The following RUNX3 variants were observed in gnomAD, a reference collection of about 807,000 sequenced individuals.
RUNX3 encodes runt-related transcription factor 3.
RUNX3 carries 10 observed loss-of-function variants against 27.7 expected under a neutral mutation model. The ratio of observed to expected loss-of-function variants is 0.36; its 90% CI spans 0.22 to 0.61. The LOEUF is 0.61. Ranked by LOEUF, RUNX3 falls within the 20% of genes least tolerant of loss-of-function variation. RUNX3 has a pLI of 0.72. For missense variants in RUNX3, 469 were observed against 629.5 expected (o/e 0.75, Z 2.73); for synonymous variants, 270 against 269.2 (o/e 1.00, Z -0.03).
In RUNX3 at chr1:24,901,038, T is replaced by TTG. The variant is rs1006365205; in HGVS notation, c.*1083_*1084insCA. On this transcript the variant is annotated 3_prime_UTR_variant, in exon 5 of 5. Coordinates refer to ENST00000308873, the MANE Select transcript of RUNX3 (RefSeq NM_004350.3). ...TTTTGTTTTTTTTTTGTTTTTTTGT[T>TTG]TTTTTTTTTTTTTTGCTCAGGACTA... 1 of 141,826 alleles carries TTG rather than the reference T, an allele frequency of 7.1e-6. No individual in the cohort carries two copies. Among genetic ancestry groups the TTG allele is most frequent in the African/African-American group, 2.9e-5 (1 of 34,560 alleles). The allele number at this position is 141,826 out of a possible 1,614,324, so 8.8% of individuals were successfully genotyped here.
intron 3 of RUNX3, among the ~76,000 whole-genome samples, chr1:24,917,635 C>A (rs1310928309): frequency 1.3e-5 from 2 of 152,300 alleles, no homozygotes; most frequent in Admixed American, 6.5e-5. Context: ...CCTTGCTAAC[C>A]CCCACCGCTA....
At chr1:24,957,268 G>A (rs1181656649) in intron 2 of RUNX3, among the ~76,000 whole-genome samples, 1 of 152,246 alleles carries the variant, frequency 6.6e-6, no homozygotes, top group Non-Finnish European at 1.5e-5. Context: ...AAGCCAGACA[G>A]TGAAGGGGGA....
intron 3 of RUNX3, among the ~76,000 whole-genome samples, chr1:24,915,678 A>C (rs1640875623): frequency 6.6e-6 from 1 of 152,076 alleles, no homozygotes; most frequent in South Asian, 2.1e-4. Flanking sequence ...TTCCAGATAG[A>C]AAAAAGAGCA....
chr1:24,933,255 C>T (rs1458986641), upstream of RUNX3, among the ~76,000 whole-genome samples: 3 of 152,206 alleles, frequency 2.0e-5, no homozygotes, highest in Admixed American at 1.3e-4. Context: ...TCACCCACAG[C>T]GCTCTAGGGA....
chr1:24,947,501 C>T (rs1641637906), intron 2 of RUNX3, among the ~76,000 whole-genome samples: 1 of 152,156 alleles, frequency 6.6e-6, no homozygotes, highest in Non-Finnish European at 1.5e-5. Context: ...TGGGCCAGCT[C>T]ACCACAAGCA....
At chr1:24,924,157 A>C (rs1428344599) in intron 2 of RUNX3, among the ~76,000 whole-genome samples, 1 of 152,204 alleles carries the variant, frequency 6.6e-6, no homozygotes, top group Non-Finnish European at 1.5e-5. Flanking sequence ...GCTTGAGTCC[A>C]GGAGTTCAAG....
upstream of RUNX3, among the ~76,000 whole-genome samples, chr1:24,932,289 C>A (rs952072698): frequency 1.3e-5 from 2 of 151,516 alleles, no homozygotes; most frequent in Middle Eastern, 6.8e-3. Context: ...AGGGCGCTGG[C>A]TCCCCGTGGG....
In RUNX3 at chr1:24,922,169, CTTTCT is replaced by C. The variant is rs1641012425; in HGVS notation, c.440-2830_440-2826del. ...TTCCCTCCCTTCCTTCCTTCCTTTC[CTTTCT>C]TTTCTTTCTTTCCTTTCTTTCTTTT... On this transcript the variant is annotated intron_variant, in intron 2 of 4. Transcript: ENST00000308873. Among the ~76,000 whole-genome samples the C allele has an allele frequency of 2.0e-5, 3 of 149,856 alleles. No individual in the cohort carries two copies. The South Asian group carries it at 6.4e-4, about 32-fold the overall frequency.
chr1:24,958,340 G>A (rs995179955), intron 2 of RUNX3, among the ~76,000 whole-genome samples: 7 of 152,228 alleles, frequency 4.6e-5, no homozygotes, highest in Non-Finnish European at 8.8e-5. Flanking sequence ...TGTGCAAGGC[G>A]GATGATTGGA....
chr1:24,961,625 A>G (rs559528813), intron 2 of RUNX3: 1 of 152,356 alleles, frequency 6.6e-6, no homozygotes, highest in South Asian at 2.1e-4. Flanking sequence ...GAGGCACATC[A>G]GAATCGCTTT....
chr1:24,952,949 G>T (rs763797456), intron 2 of RUNX3, among the ~76,000 whole-genome samples: 1 of 151,578 alleles, frequency 6.6e-6, no homozygotes, highest in Non-Finnish European at 1.5e-5. Flanking sequence ...AAAAAACTCA[G>T]GTATTTTTTT....
chr1:24,957,744 C>T (rs1015462753), intron 2 of RUNX3, among the ~76,000 whole-genome samples: 7 of 152,228 alleles, frequency 4.6e-5, no homozygotes, highest in Non-Finnish European at 1.0e-4. Context: ...CACACTACCT[C>T]ATTAAACCTA....
intron 3 of RUNX3, among the ~76,000 whole-genome samples, chr1:24,914,371 C>A (rs879823192): frequency 1.3e-5 from 2 of 152,222 alleles, no homozygotes; most frequent in African/African-American, 4.8e-5. Context: ...CAGGGTGGGG[C>A]GCCGGGCCCG....
chr1:24,945,597 G>A (rs756341412), intron 2 of RUNX3, among the ~76,000 whole-genome samples: 1 of 152,190 alleles, frequency 6.6e-6, no homozygotes, highest in Non-Finnish European at 1.5e-5. Context: ...AGGAGGCTTA[G>A]TAACTTGTTC....
intron 4 of RUNX3, among the ~76,000 whole-genome samples, chr1:24,906,472 G>A (rs533943852): frequency 2.0e-5 from 3 of 152,360 alleles, no homozygotes; most frequent in East Asian, 1.9e-4. Flanking sequence ...AGGGCCGGCT[G>A]TGCACACAGC....
In RUNX3 at chr1:24,923,399, AT is replaced by A. The variant is rs1299155048; in HGVS notation, c.440-4056del. Among the ~76,000 whole-genome samples the A allele has an allele frequency of 6.6e-6, 1 of 151,904 alleles. No individual in the cohort carries two copies. Among genetic ancestry groups the A allele is most frequent in the Non-Finnish European group, 1.5e-5 (1 of 67,966 alleles). ...CTGCCTGGCAGTGGCAAACCCATCC[AT>A]CCCTCTCTCTCAGCCTCTAGATATA... On this transcript the variant is annotated intron_variant, in intron 2 of 4. Transcript: ENST00000308873. The surrounding 1 kb of genome is among the most constrained non-coding windows in gnomAD (Gnocchi z 5.9).
At chr1:24,953,996 T>C (rs1376390197) in intron 2 of RUNX3, among the ~76,000 whole-genome samples, 3 of 152,314 alleles carry the variant, frequency 2.0e-5, no homozygotes, top group Admixed American at 2.0e-4. Flanking sequence ...CACTGCAGCC[T>C]TCACCTCTTG....
intron 2 of RUNX3, among the ~76,000 whole-genome samples, chr1:24,959,094 G>A (rs1437946690): frequency 6.6e-6 from 1 of 152,226 alleles, no homozygotes; most frequent in African/African-American, 2.4e-5. Flanking sequence ...TGGAAGGTCA[G>A]GTTTTCAGGC....
intron 2 of RUNX3, among the ~76,000 whole-genome samples, chr1:24,952,536 G>C (rs1003040863): frequency 3.9e-5 from 6 of 152,178 alleles, no homozygotes; most frequent in Admixed American, 3.9e-4. Flanking sequence ...CTGAACACAC[G>C]TTGGGAGATG....
Sources: allele counts gnomAD v4.1 joint callset (sites outside exome capture counted in the v4.1 genomes callset), GRCh38; gene constraint gnomAD v4.1.1; non-coding constraint Gnocchi (gnomAD v3.1); transcripts MANE v1.5; gene names NCBI Gene and HGNC (gene_info 2026-07-23, HGNC 2026-07-21).